Variants in CDKAL1 observed in about 807,000 individuals in gnomAD.
CDKAL1 encodes the protein CDKAL1 threonylcarbamoyladenosine tRNA methylthiotransferase.
A neutral mutation model predicts 68.2 loss-of-function variants in CDKAL1; 32 were observed. That is an observed-to-expected ratio of 0.47 (90% CI 0.35 to 0.63). The LOEUF is 0.63. Among genes scored for constraint, CDKAL1 ranks in the 30% least tolerant of loss-of-function variants. The pLI, the probability that CDKAL1 is intolerant of heterozygous loss-of-function variation, is 0.00. For synonymous variants in CDKAL1, 234 were observed against 244.3 expected, an observed-to-expected ratio of 0.96 and a Z score of 0.39; for missense variants, 606 against 696.7, an observed-to-expected ratio of 0.87 and a Z score of 1.47.
intron 11 of CDKAL1, among the ~76,000 whole-genome samples, chr6:21,003,369 T>TACAC (rs1292656062): frequency 2.1e-4 from 10 of 46,612 alleles, no homozygotes; most frequent in African/African-American, 8.8e-4. Context: ...TATATATATA[T>TACAC]ATACACACAC....
intron 15 of CDKAL1, among the ~76,000 whole-genome samples, chr6:21,204,776 T>C (rs1778831008): frequency 6.6e-6 from 1 of 152,116 alleles, no homozygotes; most frequent in African/African-American, 2.4e-5. Flanking sequence ...GTTTTCGTTT[T>C]TGTGTGTTTT....
intron 4 of CDKAL1, among the ~76,000 whole-genome samples, chr6:20,627,513 A>G (rs1315598389): frequency 6.6e-6 from 1 of 152,178 alleles, no homozygotes; most frequent in Admixed American, 6.6e-5. Context: ...ATAATAAGTC[A>G]GGTAGACCAG....
At chr6:20,966,037 A>T (rs1339363102) in intron 10 of CDKAL1, among the ~76,000 whole-genome samples, 2 of 152,236 alleles carry the variant, frequency 1.3e-5, no homozygotes, top group African/African-American at 4.8e-5. Flanking sequence ...AGTAAAATGA[A>T]ATCCTCATAT....
intron 9 of CDKAL1, among the ~76,000 whole-genome samples, chr6:20,859,466 G>A (rs1300373905): frequency 6.6e-6 from 1 of 152,106 alleles, no homozygotes; most frequent in Non-Finnish European, 1.5e-5. Context: ...TACTTCCCTT[G>A]CCCTTCATTT....
intron 8 of CDKAL1, among the ~76,000 whole-genome samples, chr6:20,837,396 C>G (rs940622535): frequency 1.3e-5 from 2 of 152,132 alleles, no homozygotes; most frequent in African/African-American, 2.4e-5. Context: ...GAATTAGCCT[C>G]AACCACTGTT....
At chr6:20,745,465 C>T (rs895261204) in intron 6 of CDKAL1, among the ~76,000 whole-genome samples, 4 of 151,882 alleles carry the variant, frequency 2.6e-5, no homozygotes, top group East Asian at 1.9e-4. Context: ...TTTTAACTTC[C>T]GTTGTCTAAA....
At chr6:20,740,321 CT>C (rs1046547984) in intron 6 of CDKAL1, among the ~76,000 whole-genome samples, 1 of 151,928 alleles carries the variant, frequency 6.6e-6, no homozygotes, top group African/African-American at 2.4e-5. Flanking sequence ...TGTTAGCATA[CT>C]TTTTTTTGGG....
chr6:21,212,662 G>T (rs2151118175), intron 15 of CDKAL1, among the ~76,000 whole-genome samples: 1 of 152,090 alleles, frequency 6.6e-6, no homozygotes, highest in Non-Finnish European at 1.5e-5. Context: ...AATAGAGTGT[G>T]TTTGTTTTCT....
intron 9 of CDKAL1, among the ~76,000 whole-genome samples, chr6:20,901,919 G>C (rs1762002928): frequency 6.6e-6 from 1 of 151,866 alleles, no homozygotes; most frequent in African/African-American, 2.4e-5. Flanking sequence ...TGGGACCACA[G>C]GTGCATGCCA....
intron 9 of CDKAL1, among the ~76,000 whole-genome samples, chr6:20,947,246 G>A (rs1021068526): frequency 6.6e-6 from 1 of 152,186 alleles, no homozygotes; most frequent in African/African-American, 2.4e-5. Flanking sequence ...CTCGACTTAT[G>A]ATGGGGTCAC....
chr6:21,207,935 T>C (rs906627313), intron 15 of CDKAL1, among the ~76,000 whole-genome samples: 3 of 152,128 alleles, frequency 2.0e-5, no homozygotes, highest in African/African-American at 4.8e-5. Flanking sequence ...GAATGACAAA[T>C]TAACAGAAGG....
At chr6:20,872,911 T>C (rs937120483) in intron 9 of CDKAL1, among the ~76,000 whole-genome samples, 1 of 152,182 alleles carries the variant, frequency 6.6e-6, no homozygotes, top group Non-Finnish European at 1.5e-5. Context: ...CAGTCACAAA[T>C]GACCAAGGAT....
intron 8 of CDKAL1, among the ~76,000 whole-genome samples, chr6:20,830,227 C>CT (rs1224861583): frequency 2.2e-4 from 34 of 152,250 alleles, no homozygotes; most frequent in Non-Finnish European, 3.7e-4. Flanking sequence ...TGAACCTAAA[C>CT]TTTAGAATAA....
intron 9 of CDKAL1, among the ~76,000 whole-genome samples, chr6:20,850,521 G>A (rs980861844): frequency 3.9e-5 from 6 of 151,946 alleles, no homozygotes; most frequent in Middle Eastern, 3.2e-3. Context: ...GCTCACTGCA[G>A]CCTCCTCCTG....
intron 4 of CDKAL1, among the ~76,000 whole-genome samples, chr6:20,553,247 C>T (rs140719180): frequency 1.8e-3 from 274 of 152,192 alleles, no homozygotes; most frequent in Non-Finnish European, 3.2e-3. Context: ...TGGTGGCTCA[C>T]GCCCGTAATC....
intron 9 of CDKAL1, among the ~76,000 whole-genome samples, chr6:20,924,354 A>C (rs988016932): frequency 1.3e-5 from 2 of 151,564 alleles, no homozygotes; most frequent in Non-Finnish European, 2.9e-5. Context: ...CGACAGAGTA[A>C]GACCCTGTCT....
chr6:20,954,329 A>G (rs1015726616), intron 9 of CDKAL1, among the ~76,000 whole-genome samples: 4 of 152,192 alleles, frequency 2.6e-5, no homozygotes. Context: ...ATTTAAATGT[A>G]TTTTTGAAAC....
intron 13 of CDKAL1, among the ~76,000 whole-genome samples, chr6:21,159,893 A>G (rs940927664): frequency 3.9e-5 from 6 of 152,202 alleles, no homozygotes; most frequent in African/African-American, 1.4e-4. Flanking sequence ...GAATATGCTT[A>G]TGTAACAGAC....
At chr6:20,555,739 C>A (rs1160734112) in intron 4 of CDKAL1, among the ~76,000 whole-genome samples, 1 of 151,086 alleles carries the variant, frequency 6.6e-6, no homozygotes, top group Admixed American at 6.6e-5. Context: ...TCTCCTGCCT[C>A]AGCCTCCCGA....
Sources: gnomAD v4.1 joint callset for allele counts (sites outside exome capture counted in the v4.1 genomes callset) on GRCh38, gnomAD v4.1.1 for gene constraint, MANE v1.5 for transcripts, NCBI Gene and HGNC (gene_info 2026-07-23, HGNC 2026-07-21) for gene names.